The following PRKN variants were observed in gnomAD, a reference collection of about 807,000 sequenced individuals.
The protein encoded by PRKN is parkin RBR E3 ubiquitin protein ligase.
Under a neutral mutation model 59.5 loss-of-function variants are expected in PRKN, and 56 were observed. That is an observed-to-expected ratio of 0.94 (90% CI 0.76 to 1.18). The LOEUF is 1.18. Ranked by LOEUF, PRKN falls within the 50% of genes most tolerant of loss-of-function variation. The pLI, the probability that PRKN is intolerant of heterozygous loss-of-function variation, is 0.00. For missense variants in PRKN, 657 were observed against 596.4 expected, an observed-to-expected ratio of 1.10 and a Z score of -1.06; for synonymous variants, 250 against 222.1, an observed-to-expected ratio of 1.13 and a Z score of -1.12.
At chr6:161,961,849 G>C (rs563694375) in intron 6 of PRKN, among the ~76,000 whole-genome samples, 2 of 152,298 alleles carry the variant, frequency 1.3e-5, no homozygotes, top group African/African-American at 4.8e-5. Context: ...GCCTGCATGA[G>C]ACTGCGTTGC....
At chr6:161,654,274 C>T (rs767245003) in intron 7 of PRKN, among the ~76,000 whole-genome samples, 3 of 152,134 alleles carry the variant, frequency 2.0e-5, no homozygotes, top group Non-Finnish European at 2.9e-5. Flanking sequence ...ATTGGCCCTA[C>T]CTGAAAATGT....
In PRKN at chr6:161,400,310, C is replaced by CT. The variant is rs550312048; in HGVS notation, c.1084-13434dup. Among the ~76,000 whole-genome samples the CT allele has an allele frequency of 5.3e-3, 762 of 144,544 alleles. 5 individuals are homozygous for CT. Among genetic ancestry groups the CT allele is most frequent in the African/African-American group, 0.01 (398 of 39,494 alleles). 94.8% of individuals were successfully genotyped at this position (144,544 alleles called of 152,430 possible). Reference sequence around the variant, plus strand: ...GGAAGATTAGAAAATTAAACCTAATCTTTTTTTTTTTTTTGAGATGGAATT... The same window carrying CT: ...GGAAGATTAGAAAATTAAACCTAATCTTTTTTTTTTTTTTTGAGATGGAATT... On this transcript the variant is annotated intron_variant, in intron 9 of 11. Transcript: ENST00000366898. The surrounding 1 kb of genome is among the most constrained non-coding windows in gnomAD (Gnocchi z 4.2).
Position 161,623,156 on chromosome 6 carries a change from A to G in PRKN, c.872-53740T>C, listed in dbSNP as rs185455917. ...AGCCATAGTTAACACTCGAGAGCCT[A>G]TGGGTGAGTCCACTGAGGGCACCTG... On this transcript the variant is annotated intron_variant, in intron 7 of 11. Transcript: ENST00000366898. 6.4e-3 allele frequency among the ~76,000 whole-genome samples: 972 copies of G among 152,344 alleles called. 13 individuals are homozygous for G. The highest frequency in any genetic ancestry group is 0.022 in the African/African-American group (903 of 41,580).
Position 161,419,411 on chromosome 6 carries a change from G to T in PRKN, c.1084-32534C>A, listed in dbSNP as rs1352302636. Reference sequence around the variant, plus strand: ...TTTCTTCTTCTTTTTTTTTTTAAATGGAGTCTCGCTCTGTTGCCCAGGCTG... The same window carrying T: ...TTTCTTCTTCTTTTTTTTTTTAAATTGAGTCTCGCTCTGTTGCCCAGGCTG... On this transcript the variant is annotated intron_variant, in intron 9 of 11. Transcript: ENST00000366898. This position sits in a 1 kb window ranked among gnomAD's most constrained non-coding sequence, Gnocchi z 4.1. Among the ~76,000 whole-genome samples the T allele has an allele frequency of 6.6e-6, 1 of 151,496 alleles. No individual in the cohort carries two copies. Among genetic ancestry groups the T allele is most frequent in the Non-Finnish European group, 1.5e-5 (1 of 67,908 alleles).
chr6:161,386,716 C>T lies in PRKN; in HGVS notation c.1167+78G>A. On this transcript the variant is annotated intron_variant, in intron 10 of 11. Transcript: ENST00000366898. The surrounding 1 kb of genome is among the most constrained non-coding windows in gnomAD (Gnocchi z 4.3). ...CTTGCTTTTTTAGAATGGAACTCTCCATGACCTCCAGGAAACGGCTCCAGT... is the reference window on the plus strand; with the variant it reads ...CTTGCTTTTTTAGAATGGAACTCTCTATGACCTCCAGGAAACGGCTCCAGT... 1 of 1,112,540 alleles carries T rather than the reference C, an allele frequency of 9.0e-7. No homozygotes were observed. The allele number at this position is 1,112,540 out of a possible 1,614,324, so 68.9% of individuals were successfully genotyped here.
intron 9 of PRKN, among the ~76,000 whole-genome samples, chr6:161,477,052 G>A (rs1791119661): frequency 6.6e-6 from 1 of 152,234 alleles, no homozygotes; most frequent in Non-Finnish European, 1.5e-5. Context: ...GAGGTATCCT[G>A]AGGAAAAGCC....
At chr6:161,841,076 C>T (rs1490911150) in intron 6 of PRKN, among the ~76,000 whole-genome samples, 1 of 152,112 alleles carries the variant, frequency 6.6e-6, no homozygotes, top group African/African-American at 2.4e-5. Flanking sequence ...GTGTGTATAC[C>T]AAAAGGAATA....
intron 1 of PRKN, among the ~76,000 whole-genome samples, chr6:162,594,281 T>C (rs1382490429): frequency 1.3e-5 from 2 of 152,228 alleles, no homozygotes; most frequent in Non-Finnish European, 2.9e-5. Context: ...GTATTTTATC[T>C]TACATATAAA....
intron 6 of PRKN, among the ~76,000 whole-genome samples, chr6:161,872,228 G>A (rs1204875578): frequency 1.9e-5 from 2 of 104,278 alleles, no homozygotes; most frequent in Non-Finnish European, 4.3e-5. Flanking sequence ...GCAGCTGAGT[G>A]GGGGTCCTAT....
At position 161,393,317 on chromosome 6, in the gene PRKN, G is replaced by T. The variant is rs184340272; in HGVS notation, c.1084-6440C>A. 6.6e-6 allele frequency among the ~76,000 whole-genome samples: 1 copy of T among 152,198 alleles called. No homozygotes were observed. The highest frequency in any genetic ancestry group is 6.5e-5 in the Admixed American group (1 of 15,288). ...ATACTGATAATAATGACTGTTATGT[G>T]AATCTCGGGTAAAACTGACACCTCC... On this transcript the variant is annotated intron_variant, in intron 9 of 11. Coordinates refer to ENST00000366898, the MANE Select transcript of PRKN (RefSeq NM_004562.3). This position sits in a 1 kb window ranked among gnomAD's most constrained non-coding sequence, Gnocchi z 4.7.
chr6:162,269,293 G>T (rs1378734431), intron 2 of PRKN, among the ~76,000 whole-genome samples: 1 of 152,108 alleles, frequency 6.6e-6, no homozygotes, highest in East Asian at 1.9e-4. Context: ...CTACTGTAGG[G>T]ACCTGTTCAT....
intron 7 of PRKN, among the ~76,000 whole-genome samples, chr6:161,589,188 G>A (rs1781626166): frequency 6.6e-6 from 1 of 152,216 alleles, no homozygotes; most frequent in South Asian, 2.1e-4. Context: ...AGCAAGTGCT[G>A]CAGAAGCCAG....
At chr6:162,113,410 A>G (rs550198189) in intron 4 of PRKN, among the ~76,000 whole-genome samples, 6 of 152,202 alleles carry the variant, frequency 3.9e-5, no homozygotes, top group Non-Finnish European at 8.8e-5. Context: ...GCCATTTATT[A>G]GAACTTATGC....
In PRKN at chr6:162,010,996, CATAAT is replaced by C. The variant is rs1432554682; in HGVS notation, c.619-37584_619-37580del. Among the ~76,000 whole-genome samples, 4 of 8,682 alleles carry C rather than the reference CATAAT, an allele frequency of 4.6e-4. 1 individual carries two copies. The highest frequency in any genetic ancestry group is 8.2e-3 in the East Asian group (1 of 122). The allele number at this position is 8,682 out of a possible 152,430, so 5.7% of individuals were successfully genotyped here. A position where few individuals can be genotyped will look rare whatever the true frequency, so the allele number is the denominator to read the frequency against. ...TAAAATATATAATATATATTTATAA[CATAAT>C]ATATTTATAATATATATTATAATAT... is the stretch of plus-strand genomic sequence containing the variant. On this transcript the variant is annotated intron_variant, in intron 5 of 11. Coordinates refer to ENST00000366898, the MANE Select transcript of PRKN (RefSeq NM_004562.3).
rs751389313 is a variant in PRKN at position 162,523,993 on chromosome 6, G to A, written c.8-80520C>T. Among the ~76,000 whole-genome samples, 10 of 152,244 alleles carry A rather than the reference G, an allele frequency of 6.6e-5. No homozygotes were observed. In the South Asian group the frequency reaches 1.2e-3, roughly 19 times the overall value. On this transcript the variant is annotated intron_variant, in intron 1 of 11. Transcript: ENST00000366898. ...CAAATCCAGAATACGGGCTTTGCTGGTGACCTTGGAGAAGTTACTTAACCT... is the reference window on the plus strand; with the variant it reads ...CAAATCCAGAATACGGGCTTTGCTGATGACCTTGGAGAAGTTACTTAACCT...
chr6:162,704,971 A>T (rs1778287515), intron 1 of PRKN, among the ~76,000 whole-genome samples: 1 of 152,258 alleles, frequency 6.6e-6, no homozygotes, highest in African/African-American at 2.4e-5. Context: ...AAATATAAGA[A>T]GTGTAGCTTC....
intron 6 of PRKN, among the ~76,000 whole-genome samples, chr6:161,852,937 A>G (rs1793497656): frequency 6.6e-6 from 1 of 152,186 alleles, no homozygotes; most frequent in African/African-American, 2.4e-5. Flanking sequence ...GATGAGCTAC[A>G]AAGTGCCTCA....
chr6:161,577,291 C>T (rs1781168063), intron 7 of PRKN, among the ~76,000 whole-genome samples: 1 of 152,186 alleles, frequency 6.6e-6, no homozygotes, highest in African/African-American at 2.4e-5. Flanking sequence ...ATGAAGTCAT[C>T]AAAGCCGGGT....
chr6:162,400,699 G>C (rs1391990560), intron 2 of PRKN, among the ~76,000 whole-genome samples: 1 of 152,088 alleles, frequency 6.6e-6, no homozygotes, highest in Non-Finnish European at 1.5e-5. Flanking sequence ...AAAATGGGAG[G>C]TGAACCAGAA....
Sources: allele counts gnomAD v4.1 joint callset (sites outside exome capture counted in the v4.1 genomes callset), GRCh38; gene constraint gnomAD v4.1.1; non-coding constraint Gnocchi (gnomAD v3.1); transcripts MANE v1.5; gene names NCBI Gene and HGNC (gene_info 2026-07-23, HGNC 2026-07-21).